EPHB1: variants seen among roughly 807,000 people sequenced by gnomAD.
EPHB1 encodes the protein EPH receptor B1.
A neutral mutation model predicts 94.4 loss-of-function variants in EPHB1; 30 were observed. That is an observed-to-expected ratio of 0.32 (90% CI 0.24 to 0.43). The LOEUF (loss-of-function observed/expected upper bound fraction) is 0.43. Among genes scored for constraint, EPHB1 ranks in the 20% least tolerant of loss-of-function variants. The pLI, the probability that EPHB1 is intolerant of heterozygous loss-of-function variation, is 1.00. For synonymous variants in EPHB1, 522 were observed against 489.1 expected (o/e 1.07, Z -0.89); for missense variants, 1,055 against 1,308.3 (o/e 0.81, Z 2.99).
At chr3:134,819,966 A>G (rs2036350001) in intron 1 of EPHB1, among the ~76,000 whole-genome samples, 1 of 152,178 alleles carries the variant, frequency 6.6e-6, no homozygotes, top group South Asian at 2.1e-4. Context: ...ACCTGATTCC[A>G]AATTTTTTAG....
rs1396771394 is a variant in EPHB1 at position 134,795,701 on chromosome 3, T to C, written c.58+12T>C. On this transcript the variant is annotated intron_variant, in intron 1 of 15. Transcript: ENST00000398015. ...GGCTGCGATGGAAGGTAACGTACCC[T>C]CCACGGAGCAAGTTGGCTGCTGGTG... 3 of 1,608,442 alleles carry C rather than the reference T, an allele frequency of 1.9e-6. No homozygotes were observed. Among genetic ancestry groups the C allele is most frequent in the Admixed American group, 3.3e-5 (2 of 59,758 alleles).
rs1553854486 is a variant in EPHB1 at position 134,827,386 on chromosome 3, CACAT to C, written c.58+31701_58+31704del. On this transcript the variant is annotated intron_variant, in intron 1 of 15. Coordinates refer to ENST00000398015, the MANE Select transcript of EPHB1 (RefSeq NM_004441.5). ...GTGCACACACACACACACACACACA[CACAT>C]ACACACACACTCCTTATGGGCTTCT... 5.7e-3 allele frequency among the ~76,000 whole-genome samples: 868 copies of C among 152,106 alleles called. 9 individuals are homozygous for C. Among genetic ancestry groups the C allele is most frequent in the African/African-American group, 0.02 (821 of 41,446 alleles).
At position 134,936,578 on chromosome 3, in the gene EPHB1, C is replaced by T. The variant is rs186380282; in HGVS notation, c.123+10698C>T. On this transcript the variant is annotated intron_variant, in intron 2 of 15. Coordinates refer to ENST00000398015, the MANE Select transcript of EPHB1 (RefSeq NM_004441.5). ...GTCAGTGGGGCTGAACGCGCCCCCC[C>T]CTCCATTTGAGATGCTGCTCTGACA... 4.3e-3 allele frequency among the ~76,000 whole-genome samples: 657 copies of T among 152,244 alleles called. 6 individuals are homozygous for T. Among genetic ancestry groups the T allele is most frequent in the African/African-American group, 0.015 (621 of 41,544 alleles).
intron 3 of EPHB1, among the ~76,000 whole-genome samples, chr3:135,101,575 T>G (rs2107796821): frequency 1.3e-5 from 2 of 151,396 alleles, no homozygotes; most frequent in African/African-American, 4.9e-5. Context: ...AGAGACAGGG[T>G]TTCACCATGT....
chr3:134,848,259 G>A lies in EPHB1; in HGVS notation c.58+52570G>A, dbSNP rs536642142. Among the ~76,000 whole-genome samples the A allele has an allele frequency of 4.4e-4, 67 of 152,332 alleles. 1 individual carries two copies. The highest frequency in any genetic ancestry group is 9.8e-4 in the Admixed American group (15 of 15,298). On this transcript the variant is annotated intron_variant, in intron 1 of 15. Transcript: ENST00000398015. The stretch of plus-strand genomic sequence containing the variant: ...GGAATAGAAAGGGGTTATCCAGAGA[G>A]GTTGGTTCTGGGACGTCTTCCTGGT...
At chr3:135,072,651 C>T (rs916866620) in intron 3 of EPHB1, among the ~76,000 whole-genome samples, 2 of 152,222 alleles carry the variant, frequency 1.3e-5, no homozygotes, top group African/African-American at 4.8e-5. Flanking sequence ...GTCACTTCCT[C>T]TGCCTCAAAA....
chr3:134,811,242 G>GGTTTTTTT (rs2036168294), intron 1 of EPHB1, among the ~76,000 whole-genome samples: 3 of 73,850 alleles, frequency 4.1e-5, no homozygotes, highest in African/African-American at 1.3e-4. Context: ...TACTAAGAAG[G>GGTTTTTTT]TTTTTTTTTT....
At chr3:135,212,033 T>A (rs1459247775) in intron 12 of EPHB1, among the ~76,000 whole-genome samples, 1 of 152,220 alleles carries the variant, frequency 6.6e-6, no homozygotes, top group African/African-American at 2.4e-5. Flanking sequence ...CCTGATTTTT[T>A]CTTCTCTTTT....
At position 134,931,143 on chromosome 3, in the gene EPHB1, C is replaced by T. The variant is rs139791887; in HGVS notation, c.123+5263C>T. Among the ~76,000 whole-genome samples the T allele has an allele frequency of 1.7e-4, 26 of 152,344 alleles. No homozygotes were observed. In the East Asian group the frequency reaches 4.8e-3, roughly 28 times the overall value. On this transcript the variant is annotated intron_variant, in intron 2 of 15. Transcript: ENST00000398015. ...AACATGTTTGTTGTAGACCTCTTAA[C>T]ACCCAATTGGTTGTCAATATCTTTT...
At chr3:135,078,213 A>G (rs1039296106) in intron 3 of EPHB1, among the ~76,000 whole-genome samples, 1 of 152,188 alleles carries the variant, frequency 6.6e-6, no homozygotes, top group African/African-American at 2.4e-5. Context: ...AGACAAGTGT[A>G]TCCACTGTGC....
At chr3:134,992,597 C>T (rs1241687990) in intron 3 of EPHB1, among the ~76,000 whole-genome samples, 2 of 152,230 alleles carry the variant, frequency 1.3e-5, no homozygotes, top group Non-Finnish European at 2.9e-5. Flanking sequence ...AGGGTCTTTC[C>T]TAGTGCTTTG....
At chr3:134,860,798 C>A (rs866975492) in intron 1 of EPHB1, among the ~76,000 whole-genome samples, 817 of 93,202 alleles carry the variant, frequency 8.8e-3, no homozygotes, top group African/African-American at 0.016. Flanking sequence ...GGCCAGGTGA[C>A]AAAAAAAAAA....
intron 3 of EPHB1, among the ~76,000 whole-genome samples, chr3:135,029,349 C>T (rs1936326158): frequency 6.6e-6 from 1 of 151,962 alleles, no homozygotes; most frequent in African/African-American, 2.4e-5. Context: ...CATGATTTTG[C>T]AGCAGCTGGT....
intron 10 of EPHB1, among the ~76,000 whole-genome samples, chr3:135,187,738 C>A (rs1942362339): frequency 6.6e-6 from 1 of 152,154 alleles, no homozygotes; most frequent in African/African-American, 2.4e-5. Context: ...GCTCAGGCAC[C>A]TGGCAGGGAA....
chr3:134,808,401 G>A (rs898695038), intron 1 of EPHB1, among the ~76,000 whole-genome samples: 1 of 152,138 alleles, frequency 6.6e-6, no homozygotes, highest in Non-Finnish European at 1.5e-5. Flanking sequence ...AGGGGGAAGG[G>A]CTAGCTCAGA....
intron 3 of EPHB1, among the ~76,000 whole-genome samples, chr3:135,063,933 C>T (rs1037076810): frequency 2.0e-5 from 3 of 152,082 alleles, no homozygotes; most frequent in Non-Finnish European, 4.4e-5. Flanking sequence ...AATGCATTTT[C>T]TGCATCTATT....
rs1943980615 is a variant in EPHB1, at chr3:135,248,479, G to A, written c.2660G>A (p.Ser887Asn). The A allele has an allele frequency of 6.2e-7, 1 of 1,610,006 alleles. No homozygotes were observed. The highest frequency in any genetic ancestry group is 2.2e-5 in the East Asian group (1 of 44,724). ...TLDKMIRNPA[S>N]LKTVATITAV... ...GATAAGATGATCCGGAACCCGGCAA[G>A]TCTCAAGACTGTGGCAACCATCACC... Residue 887 changes from serine to asparagine, a missense_variant, in exon 14 of 16, where the codon AGT becomes AAT. Ser to Asn is a conservative substitution (Grantham distance 46). Coordinates refer to ENST00000398015, the MANE Select transcript of EPHB1 (RefSeq NM_004441.5).
chr3:135,088,929 A>T (rs1014314519), intron 3 of EPHB1, among the ~76,000 whole-genome samples: 7 of 152,260 alleles, frequency 4.6e-5, no homozygotes, highest in Non-Finnish European at 8.8e-5. Context: ...TTCATGCCAG[A>T]TATTGTATCA....
chr3:134,806,546 T>C (rs867823318), intron 1 of EPHB1, among the ~76,000 whole-genome samples: 2 of 152,298 alleles, frequency 1.3e-5, no homozygotes, highest in Middle Eastern at 6.8e-3. Flanking sequence ...AACTGCAGAT[T>C]CCTGAGCAAA....
Sources: allele counts gnomAD v4.1 joint callset (sites outside exome capture counted in the v4.1 genomes callset), GRCh38; gene constraint gnomAD v4.1.1; transcripts MANE v1.5; gene names NCBI Gene and HGNC (gene_info 2026-07-23, HGNC 2026-07-21).